The following ITGB6 variants were observed in gnomAD, a reference collection of about 807,000 sequenced individuals.
ITGB6 encodes the protein integrin beta-6.
A neutral mutation model predicts 84.5 loss-of-function variants in ITGB6; 80 were observed. That is an observed-to-expected ratio of 0.95 (90% CI 0.79 to 1.14). ITGB6 has a LOEUF of 1.14. ITGB6 is among the 50% of genes most tolerant of loss of function. The probability of loss-of-function intolerance (pLI) is 0.00; values close to 1 mark genes in which losing one functional copy is unlikely to be tolerated. For synonymous variants in ITGB6, 383 were observed against 354.9 expected (o/e 1.08, Z -0.89); for missense variants, 1,006 against 968.0 (o/e 1.04, Z -0.52).
chr2:160,188,057 A>G (rs1685973750), intron 4 of ITGB6, among the ~76,000 whole-genome samples: 1 of 152,182 alleles, frequency 6.6e-6, no homozygotes, highest in South Asian at 2.1e-4. Context: ...GGAGGTCAAT[A>G]TTATTATTCC....
chr2:160,108,757 AC>A (rs1697007872), intron 13 of ITGB6, among the ~76,000 whole-genome samples: 1 of 152,218 alleles, frequency 6.6e-6, no homozygotes, highest in African/African-American at 2.4e-5. Flanking sequence ...TCTGTAGGGT[AC>A]TTTCAACTTG....
chr2:160,174,674 G>A (rs529182061), intron 4 of ITGB6, among the ~76,000 whole-genome samples: 1 of 152,320 alleles, frequency 6.6e-6, no homozygotes, highest in African/African-American at 2.4e-5. Flanking sequence ...GAATAGGCCA[G>A]TCTAGAAATA....
At chr2:160,176,328 A>T (rs1024388757) in intron 4 of ITGB6, among the ~76,000 whole-genome samples, 1 of 152,158 alleles carries the variant, frequency 6.6e-6, no homozygotes, top group Non-Finnish European at 1.5e-5. Flanking sequence ...GGCCTCTGTG[A>T]CATCCCCTTC....
Position 160,172,677 on chromosome 2 carries a change from A to T in ITGB6, c.813T>A (p.Asp271Glu), listed in dbSNP as rs1305560456. 1 of 1,610,664 alleles carries T rather than the reference A, an allele frequency of 6.2e-7. No homozygotes were observed. The highest frequency in any genetic ancestry group is 2.2e-5 in the East Asian group (1 of 44,768). ...DSLHLLVFVS[D>E]ADSHFGMDSK... ...TGTCCATTCCAAAATGAGAATCAGCATCACTCACAAAGACCAGGAGGTGGA... is the reference window on the plus strand; with the variant it reads ...TGTCCATTCCAAAATGAGAATCAGCTTCACTCACAAAGACCAGGAGGTGGA... The change falls in exon 6 of 15, where the codon GAT becomes GAA. Residue 271 changes from aspartate (D) to glutamate (E), a missense_variant. Coordinates refer to ENST00000283249, the MANE Select transcript of ITGB6 (RefSeq NM_000888.5).
intron 12 of ITGB6, among the ~76,000 whole-genome samples, chr2:160,120,752 T>A (rs1360666711): frequency 7.6e-6 from 1 of 132,148 alleles, no homozygotes; most frequent in Non-Finnish European, 1.6e-5. Context: ...AGAGTTCATG[T>A]CCTTTGTAGG....
In ITGB6 at chr2:160,162,831, G is replaced by A. The variant is rs139227890; in HGVS notation, c.1017+6381C>T. ...GACAGGGTTTCGCCATGTTGGCTAG[G>A]CTGCTCTTGAACTCCTGACCTCAGG... is the stretch of plus-strand genomic sequence containing the variant. On this transcript the variant is annotated intron_variant, in intron 7 of 14. Coordinates refer to ENST00000283249, the MANE Select transcript of ITGB6 (RefSeq NM_000888.5). Among the ~76,000 whole-genome samples, 549 of 152,256 alleles carry A rather than the reference G, an allele frequency of 3.6e-3. 4 individuals are homozygous for A. Among genetic ancestry groups the A allele is most frequent in the Middle Eastern group, 0.034 (10 of 294 alleles).
At chr2:160,193,129 G>T (rs1354214672) in intron 4 of ITGB6, among the ~76,000 whole-genome samples, 1 of 152,110 alleles carries the variant, frequency 6.6e-6, no homozygotes, top group Non-Finnish European at 1.5e-5. Flanking sequence ...TCCAGTTTAG[G>T]TGTCTATCAA....
chr2:160,194,302 T>C (rs1686251482), intron 4 of ITGB6, among the ~76,000 whole-genome samples: 1 of 151,958 alleles, frequency 6.6e-6, no homozygotes, highest in Admixed American at 6.5e-5. Flanking sequence ...TTATGTTAGA[T>C]TGTAGTTGGG....
At chr2:160,102,856 G>A (rs1696774633) in intron 14 of ITGB6, among the ~76,000 whole-genome samples, 1 of 152,196 alleles carries the variant, frequency 6.6e-6, no homozygotes, top group Admixed American at 6.5e-5. Context: ...CTGAGCCTTG[G>A]TGTCCCTATC....
intron 12 of ITGB6, among the ~76,000 whole-genome samples, chr2:160,119,646 A>G (rs1216732799): frequency 6.6e-6 from 1 of 152,162 alleles, no homozygotes; most frequent in African/African-American, 2.4e-5. Context: ...CAATGGCAAC[A>G]AAAGTCAAAA....
At chr2:160,146,298 C>T (rs746810278) in intron 7 of ITGB6, among the ~76,000 whole-genome samples, 71 of 152,278 alleles carry the variant, frequency 4.7e-4, no homozygotes, top group South Asian at 1.0e-3. Flanking sequence ...AAATCTATCA[C>T]ATTTTAATAA....
rs1696659134 is a variant in ITGB6, at chr2:160,100,168, G to A, written c.*1568C>T. 1 of 152,092 alleles carries A rather than the reference G, an allele frequency of 6.6e-6. No individual in the cohort carries two copies. Among genetic ancestry groups the A allele is most frequent in the African/African-American group, 2.4e-5 (1 of 41,398 alleles). The allele number at this position is 152,092 out of a possible 1,614,324, so 9.4% of individuals were successfully genotyped here. ...AAAAAGAGTCTCCAAGTGATCAAAG[G>A]TATATGGATCTATCTTGTAGAATTG... On this transcript the variant is annotated 3_prime_UTR_variant, in exon 15 of 15. Transcript: ENST00000283249.
At chr2:160,177,503 G>A (rs900612781) in intron 4 of ITGB6, among the ~76,000 whole-genome samples, 1 of 151,722 alleles carries the variant, frequency 6.6e-6, no homozygotes, top group African/African-American at 2.4e-5. Context: ...CCCGGGAGGC[G>A]GAGCTTGCAG....
rs76428748 is a variant in ITGB6 at position 160,158,688 on chromosome 2, G to A, written c.1017+10524C>T. Among the ~76,000 whole-genome samples the A allele has an allele frequency of 1.4e-3, 207 of 152,226 alleles. 1 individual carries two copies. The highest frequency in any genetic ancestry group is 4.7e-3 in the African/African-American group (194 of 41,536). ...ATGACTAGTAGGAAGAAAATGAAGG[G>A]GACGAGAAAATAGCAAGTAGGTGTA... On this transcript the variant is annotated intron_variant, in intron 7 of 14. Coordinates refer to ENST00000283249, the MANE Select transcript of ITGB6 (RefSeq NM_000888.5).
At chr2:160,136,097 T>C (rs1328292651) in intron 10 of ITGB6, among the ~76,000 whole-genome samples, 1 of 152,126 alleles carries the variant, frequency 6.6e-6, no homozygotes, top group African/African-American at 2.4e-5. Context: ...TAAAAGAAAC[T>C]ACCATCAGAG....
At chr2:160,115,856 G>C (rs1253278440) in intron 12 of ITGB6, among the ~76,000 whole-genome samples, 1 of 152,110 alleles carries the variant, frequency 6.6e-6, no homozygotes, top group Non-Finnish European at 1.5e-5. Context: ...CGAGAACTAC[G>C]TGAAGAATGC....
intron 5 of ITGB6, 100 bp from the exon 6 acceptor site, chr2:160,172,830 T>A (rs1685266176): frequency 1.2e-6 from 1 of 857,508 alleles, no homozygotes; most frequent in Non-Finnish European, 1.8e-6. Flanking sequence ...ATAAAAATAA[T>A]ATTGCTAGTC....
intron 4 of ITGB6, among the ~76,000 whole-genome samples, chr2:160,187,159 GA>G (rs1685934258): frequency 6.6e-6 from 1 of 152,076 alleles, no homozygotes; most frequent in Non-Finnish European, 1.5e-5. Flanking sequence ...AATACTTTAA[GA>G]TTTGTCTGAT....
intron 4 of ITGB6, among the ~76,000 whole-genome samples, chr2:160,183,251 C>T (rs1289788798): frequency 2.0e-5 from 3 of 152,002 alleles, no homozygotes; most frequent in South Asian, 2.1e-4. Context: ...ACACATGTCA[C>T]GTACAAAGAC....
Sources: gnomAD v4.1 joint callset for allele counts (sites outside exome capture counted in the v4.1 genomes callset) on GRCh38, gnomAD v4.1.1 for gene constraint, MANE v1.5 for transcripts, NCBI Gene and HGNC (gene_info 2026-07-23, HGNC 2026-07-21) for gene names.